The following AOPEP variants were observed in gnomAD, a reference collection of about 807,000 sequenced individuals.
AOPEP encodes aminopeptidase O (putative), also known as aminopeptidase O.
Under a neutral mutation model 98.1 loss-of-function variants are expected in AOPEP, and 77 were observed. The observed-to-expected ratio is 0.78, with a 90% CI of 0.65 to 0.95. The LOEUF (loss-of-function observed/expected upper bound fraction) is 0.95, where lower values mean the gene tolerates loss of function less well. Among genes scored for constraint, AOPEP ranks in the 40% least tolerant of loss-of-function variants. The probability of loss-of-function intolerance (pLI) is 0.00; values close to 1 mark genes in which losing one functional copy is unlikely to be tolerated. For missense variants in AOPEP, 1,024 were observed against 1,024.7 expected, an observed-to-expected ratio of 1.00 and a Z score of 0.01; for synonymous variants, 346 against 365.3, an observed-to-expected ratio of 0.95 and a Z score of 0.60.
At chr9:94,819,032 A>G (rs2134138586) in intron 5 of AOPEP, among the ~76,000 whole-genome samples, 1 of 152,220 alleles carries the variant, frequency 6.6e-6, no homozygotes, top group East Asian at 1.9e-4. Context: ...ATAAAAAGAA[A>G]TCTTGTACCT....
At position 94,738,218 on chromosome 9, in the gene AOPEP, C is replaced by T. The variant is rs182325772; in HGVS notation, c.-136+11467C>T. Reference sequence around the variant, plus strand: ...AGTGTCTGAAGGTCAAGGGCCTTCTCTAAGGTTTCTGAATAGAGGAGTTCT... The same window carrying T: ...AGTGTCTGAAGGTCAAGGGCCTTCTTTAAGGTTTCTGAATAGAGGAGTTCT... On this transcript the variant is annotated intron_variant, in intron 1 of 16. Coordinates refer to ENST00000375315, the MANE Select transcript of AOPEP (RefSeq NM_001193329.3). Among the ~76,000 whole-genome samples, 32 of 152,274 alleles carry T rather than the reference C, an allele frequency of 2.1e-4. No individual in the cohort carries two copies. The East Asian group carries it at 6.2e-3, about 29-fold the overall frequency.
At chr9:94,990,949 G>A (rs2060855433) in intron 11 of AOPEP, among the ~76,000 whole-genome samples, 1 of 152,164 alleles carries the variant, frequency 6.6e-6, no homozygotes, top group South Asian at 2.1e-4. Flanking sequence ...ATTTTATATT[G>A]ACATTGCACT....
chr9:94,817,603 G>A (rs187477893), intron 5 of AOPEP, among the ~76,000 whole-genome samples: 73 of 152,304 alleles, frequency 4.8e-4, no homozygotes, highest in Non-Finnish European at 4.1e-4. Context: ...CTAGTAGGAC[G>A]AGTTATGGCA....
intron 13 of AOPEP, among the ~76,000 whole-genome samples, chr9:95,014,132 T>G (rs1411508277): frequency 6.6e-6 from 1 of 152,172 alleles, no homozygotes; most frequent in African/African-American, 2.4e-5. Context: ...ACTTTGAAAT[T>G]TAGACAGCCT....
chr9:95,090,738 A>G (rs1038598007), downstream of AOPEP, among the ~76,000 whole-genome samples: 1 of 152,208 alleles, frequency 6.6e-6, no homozygotes, highest in African/African-American at 2.4e-5. Context: ...CTGGCTGGAC[A>G]AAGGCAAAAA....
chr9:94,824,876 G>GGT (rs1554728051), intron 5 of AOPEP: 2 of 139,706 alleles, frequency 1.4e-5, no homozygotes, highest in Admixed American at 7.1e-5. Context: ...TTTGGTGAGT[G>GGT]TTTTTTTTTT....
chr9:94,755,447 A>G (rs16911678), intron 1 of AOPEP, among the ~76,000 whole-genome samples: 5,776 of 152,286 alleles, frequency 0.038, 349 homozygotes, highest in African/African-American at 0.13. Flanking sequence ...TAGGTCATCC[A>G]TGAATCTAAG....
intron 7 of AOPEP, among the ~76,000 whole-genome samples, chr9:94,945,470 C>G (rs977175319): frequency 6.6e-6 from 1 of 152,114 alleles, no homozygotes; most frequent in East Asian, 1.9e-4. Flanking sequence ...AAATAGAAGA[C>G]CCAAAGAGCA....
At chr9:95,070,657 A>G (rs929308092) in intron 14 of AOPEP, among the ~76,000 whole-genome samples, 1 of 152,278 alleles carries the variant, frequency 6.6e-6, no homozygotes, top group Admixed American at 6.5e-5. Flanking sequence ...CCAGAGGCCC[A>G]TGCATGCCCC....
At position 94,955,226 on chromosome 9, in the gene AOPEP, A is replaced by G. The variant is rs1199432174; in HGVS notation, c.1711A>G (p.Ile571Val). 2 of 1,613,784 alleles carry G rather than the reference A, an allele frequency of 1.2e-6. No homozygotes were observed. The highest frequency in any genetic ancestry group is 2.2e-5 in the East Asian group (1 of 44,898). ...GHTSDSGASVIKHGLNPEKIF... is the reference protein window; with the variant it reads ...GHTSDSGASVVKHGLNPEKIF... Reference sequence around the variant, plus strand: ...CACAAGTGACTCGGGAGCATCTGTTATCAAGCATGGACTTAATCCGGAGAA... The same window carrying G: ...CACAAGTGACTCGGGAGCATCTGTTGTCAAGCATGGACTTAATCCGGAGAA... The change falls in exon 8 of 17, where the codon ATC becomes GTC. Residue 571 changes from isoleucine (I) to valine (V), a missense_variant. Physicochemically the swap from Ile to Val is conservative, Grantham distance 29. Around this residue, in one of 3 missense-constraint regions of AOPEP, gnomAD observed 566 missense variants for 551.7 expected, o/e 1.03. Transcript: ENST00000375315.
downstream of AOPEP, among the ~76,000 whole-genome samples, chr9:95,089,093 G>A (rs947373429): frequency 2.0e-5 from 3 of 152,192 alleles, no homozygotes; most frequent in Non-Finnish European, 2.9e-5. Flanking sequence ...TCCTTCACCC[G>A]TGCCTCAGCT....
At chr9:94,861,055 G>T (rs1472009254) in intron 5 of AOPEP, among the ~76,000 whole-genome samples, 1 of 152,148 alleles carries the variant, frequency 6.6e-6, no homozygotes, top group Non-Finnish European at 1.5e-5. Flanking sequence ...AGATTCTTTG[G>T]TCTTGACCAC....
At chr9:95,130,139 C>G in the AOPEP span, among the ~76,000 whole-genome samples, 1 of 152,128 alleles carries the variant, frequency 6.6e-6, no homozygotes, top group Non-Finnish European at 1.5e-5. Context: ...CTCTTGTGCC[C>G]GGTCCTTGAT....
downstream of AOPEP, among the ~76,000 whole-genome samples, chr9:95,089,737 G>A (rs371609947): frequency 2.1e-4 from 32 of 152,186 alleles, no homozygotes; most frequent in Non-Finnish European, 3.8e-4. Context: ...ACTTGAATCC[G>A]CCAGTTAAGT....
chr9:95,012,586 T>C (rs1206303983), intron 13 of AOPEP, among the ~76,000 whole-genome samples: 1 of 152,158 alleles, frequency 6.6e-6, no homozygotes, highest in Non-Finnish European at 1.5e-5. Flanking sequence ...GGTGCATTTT[T>C]TTCTGTAGCA....
intron 5 of AOPEP, among the ~76,000 whole-genome samples, chr9:94,895,815 A>C (rs1407485600): frequency 6.6e-6 from 1 of 152,108 alleles, no homozygotes; most frequent in Non-Finnish European, 1.5e-5. Context: ...CGGCCTCCCA[A>C]AGTGCTGAGA....
chr9:94,974,585 A>G (rs28374530), intron 10 of AOPEP, among the ~76,000 whole-genome samples: 6,253 of 152,250 alleles, frequency 0.041, 432 homozygotes, highest in African/African-American at 0.14. Context: ...GCCCCTCCCA[A>G]GGGTCTCCTG....
chr9:94,891,703 GTGT>G (rs1393200309), intron 5 of AOPEP, among the ~76,000 whole-genome samples: 1 of 152,068 alleles, frequency 6.6e-6, no homozygotes, highest in African/African-American at 2.4e-5. Context: ...GATACATTGT[GTGT>G]CATATTAGGT....
At chr9:94,997,296 T>C (rs2061303637) in intron 11 of AOPEP, among the ~76,000 whole-genome samples, 1 of 152,210 alleles carries the variant, frequency 6.6e-6, no homozygotes. Flanking sequence ...ACTCCTGGTT[T>C]GGACCACCAG....
Sources: gnomAD v4.1 joint callset for allele counts (sites outside exome capture counted in the v4.1 genomes callset) on GRCh38, gnomAD v4.1.1 for gene constraint, gnomAD v4.1.1 regional missense constraint, MANE v1.5 for transcripts, NCBI Gene and HGNC (gene_info 2026-07-23, HGNC 2026-07-21) for gene names.